VOPP1: variants seen among roughly 807,000 people sequenced by gnomAD.
VOPP1 encodes WW domain binding protein VOPP1.
A neutral mutation model predicts 23.5 loss-of-function variants in VOPP1; 8 were observed. That is an observed-to-expected ratio of 0.34 (90% CI 0.20 to 0.61). The LOEUF is 0.61. VOPP1 is among the 20% of genes least tolerant of loss of function. The pLI is 0.78. For missense variants in VOPP1, 174 were observed against 238.1 expected, an observed-to-expected ratio of 0.73 and a Z score of 1.77; for synonymous variants, 83 against 97.3, an observed-to-expected ratio of 0.85 and a Z score of 0.86.
chr7:55,454,278 A>G (rs1333165121), intron 4 of VOPP1, among the ~76,000 whole-genome samples: 1 of 152,218 alleles, frequency 6.6e-6, no homozygotes, highest in Non-Finnish European at 1.5e-5. Flanking sequence ...ATAGACCTAT[A>G]ACAAGTTCTG....
intron 1 of VOPP1, 63 bp downstream of exon 1, chr7:55,572,208 C>T (rs1798388830): frequency 7.0e-7 from 1 of 1,419,370 alleles, no homozygotes; most frequent in South Asian, 1.3e-5. Context: ...CGGAACTGCG[C>T]GCCCCCAGCC....
chr7:55,571,555 C>G (rs1369885575), intron 1 of VOPP1, among the ~76,000 whole-genome samples: 1 of 152,192 alleles, frequency 6.6e-6, no homozygotes, highest in Non-Finnish European at 1.5e-5. Context: ...TGGCCCCATC[C>G]GAGGATGCAA....
chr7:55,568,485 T>C (rs1388620425), intron 1 of VOPP1, among the ~76,000 whole-genome samples: 1 of 152,174 alleles, frequency 6.6e-6, no homozygotes, highest in Admixed American at 6.5e-5. Flanking sequence ...CTGGGAAAGA[T>C]CAGAAAGATA....
intron 4 of VOPP1, 82 bp from the exon 5 acceptor site, chr7:55,473,127 G>A: frequency 6.6e-7 from 1 of 1,526,118 alleles, no homozygotes; most frequent in Non-Finnish European, 8.7e-7. Context: ...AGGGCCAGCA[G>A]ACCACGCCCC....
At chr7:55,511,425 G>A (rs1795063790) in intron 2 of VOPP1, among the ~76,000 whole-genome samples, 1 of 152,286 alleles carries the variant, frequency 6.6e-6, no homozygotes, top group South Asian at 2.1e-4. Context: ...ACTATAAATA[G>A]CCTCATGTCT....
chr7:55,564,243 G>GTCTC (rs71561947), intron 1 of VOPP1, among the ~76,000 whole-genome samples: 1,973 of 125,960 alleles, frequency 0.016, 59 homozygotes, highest in African/African-American at 0.06. Context: ...CTCTGTCTCT[G>GTCTC]TCTCTCTCTC....
intron 1 of VOPP1, among the ~76,000 whole-genome samples, chr7:55,525,970 G>C (rs886221679): frequency 6.6e-6 from 1 of 152,132 alleles, no homozygotes; most frequent in Non-Finnish European, 1.5e-5. Flanking sequence ...TGTGTGTGAG[G>C]AGAGGTCAAC....
At chr7:55,523,013 T>C (rs1467260199) in intron 1 of VOPP1, among the ~76,000 whole-genome samples, 1 of 152,224 alleles carries the variant, frequency 6.6e-6, no homozygotes, top group African/African-American at 2.4e-5. Context: ...GGAATACCAC[T>C]TCACAAATTA....
Position 55,464,946 on chromosome 7 carries a change from G to C in VOPP1, n.417+27336C>G, listed in dbSNP as rs573877030. 9.2e-5 allele frequency among the ~76,000 whole-genome samples: 14 copies of C among 152,300 alleles called. No individual in the cohort carries two copies. In the East Asian group the frequency reaches 2.3e-3, roughly 25 times the overall value. On this transcript the variant is annotated intron_variant and non_coding_transcript_variant, in intron 4 of 4. Coordinates refer to the VOPP1 transcript ENST00000462326. Reference sequence around the variant, plus strand: ...GGCTCTCCTGTGGCTAGGACTGTAAGAGTCAGTGTGGCAATGTAGACTGCT... The same window carrying C: ...GGCTCTCCTGTGGCTAGGACTGTAACAGTCAGTGTGGCAATGTAGACTGCT...
chr7:55,473,161 T>A, intron 4 of VOPP1, 116 bp from the exon 5 acceptor site: 1 of 1,443,328 alleles, frequency 6.9e-7, no homozygotes, highest in Non-Finnish European at 9.1e-7. Flanking sequence ...CGACAGTGTA[T>A]GAAGGACCCA....
At chr7:55,484,074 A>G (rs569313725) in intron 4 of VOPP1, among the ~76,000 whole-genome samples, 1 of 152,316 alleles carries the variant, frequency 6.6e-6, no homozygotes, top group Admixed American at 6.5e-5. Context: ...TTCTTCTTAC[A>G]GAGGAGTGTT....
At chr7:55,511,671 C>T (rs1053328098) in intron 2 of VOPP1, among the ~76,000 whole-genome samples, 11 of 152,212 alleles carry the variant, frequency 7.2e-5, no homozygotes, top group Non-Finnish European at 1.3e-4. Context: ...TTATCAGAAA[C>T]TCAAAAGAAT....
intron 4 of VOPP1, among the ~76,000 whole-genome samples, chr7:55,438,132 T>TA (rs1395414630): frequency 6.6e-6 from 1 of 152,074 alleles, no homozygotes; most frequent in African/African-American, 2.4e-5. Flanking sequence ...TGAACTCAGG[T>TA]GATTCGTCTG....
intron 4 of VOPP1, among the ~76,000 whole-genome samples, chr7:55,441,708 G>T (rs916589967): frequency 6.6e-6 from 1 of 152,136 alleles, no homozygotes; most frequent in Non-Finnish European, 1.5e-5. Context: ...GAGCAGTAGC[G>T]CACCCCCACC....
chr7:55,483,920 C>T (rs1013750253), intron 4 of VOPP1, among the ~76,000 whole-genome samples: 1 of 152,114 alleles, frequency 6.6e-6, no homozygotes, highest in South Asian at 2.1e-4. Context: ...CCATGCCTGG[C>T]TAATTTTTGT....
chr7:55,435,355 G>A (rs1485805383), downstream of VOPP1, among the ~76,000 whole-genome samples: 1 of 152,212 alleles, frequency 6.6e-6, no homozygotes, highest in African/African-American at 2.4e-5. Flanking sequence ...TGGAGCCGGG[G>A]GTGCTGTGGG....
chr7:55,521,446 A>G, intron 1 of VOPP1: 3 of 795,432 alleles, frequency 3.8e-6, no homozygotes, highest in Non-Finnish European at 4.8e-6. Flanking sequence ...TCAGATTACA[A>G]AAGAATGCTA....
At chr7:55,548,316 C>T (rs1797453109) in intron 1 of VOPP1, among the ~76,000 whole-genome samples, 1 of 152,256 alleles carries the variant, frequency 6.6e-6, no homozygotes, top group Non-Finnish European at 1.5e-5. Context: ...CAGGTTTATG[C>T]TGCCTGTGTC....
chr7:55,513,369 G>A (rs531191425), intron 2 of VOPP1, among the ~76,000 whole-genome samples: 3 of 152,184 alleles, frequency 2.0e-5, no homozygotes, highest in African/African-American at 7.2e-5. Context: ...CTTATCCAGC[G>A]GTTTGACAAC....
Sources: gnomAD v4.1 joint callset for allele counts (sites outside exome capture counted in the v4.1 genomes callset) on GRCh38, gnomAD v4.1.1 for gene constraint, MANE v1.5 for transcripts, NCBI Gene and HGNC (gene_info 2026-07-23, HGNC 2026-07-21) for gene names.